Variants in ABCA13 observed in about 807,000 individuals in gnomAD.
ABCA13 encodes ATP binding cassette subfamily A member 13, also known as ATP-binding cassette sub-family A member 13.
A neutral mutation model predicts 478.7 loss-of-function variants in ABCA13; 476 were observed. That is an observed-to-expected ratio of 0.99 (90% CI 0.92 to 1.07). ABCA13 has a LOEUF of 1.07. ABCA13 is among the 50% of genes least tolerant of loss of function. The pLI is 0.00. For synonymous variants in ABCA13, 2,252 were observed against 2,158.9 expected (o/e 1.04, Z -1.20); for missense variants, 6,060 against 5,910.6 (o/e 1.03, Z -0.83).
At position 48,550,728 on chromosome 7, in the gene ABCA13, A is replaced by AGTCT. The variant is rs1785235727; in HGVS notation, c.14354+22383_14354+22384insGTCT. ...ATCTATCTCATCTATCTATCTTTTT[A>AGTCT]ATCTATCCATCCGTCTGTCCATCCA... is the stretch of plus-strand genomic sequence containing the variant. On this transcript the variant is annotated intron_variant, in intron 55 of 61. Coordinates refer to ENST00000435803, the MANE Select transcript of ABCA13 (RefSeq NM_152701.5). Among the ~76,000 whole-genome samples the AGTCT allele has an allele frequency of 2.0e-5, 3 of 150,638 alleles. No individual in the cohort carries two copies. The Admixed American group carries it at 2.0e-4, about 10-fold the overall frequency.
chr7:48,172,059 A>G (rs1012242533), intron 1 of ABCA13, among the ~76,000 whole-genome samples: 2 of 152,254 alleles, frequency 1.3e-5, no homozygotes, highest in Non-Finnish European at 2.9e-5. Context: ...TTAGAACTGT[A>G]TTCAAATTAC....
chr7:48,291,035 A>G (rs1798462839), intron 20 of ABCA13, among the ~76,000 whole-genome samples: 1 of 151,540 alleles, frequency 6.6e-6, no homozygotes, highest in African/African-American at 2.4e-5. Context: ...AGAAATGTGC[A>G]TGTAGCTTGG....
intron 34 of ABCA13, among the ~76,000 whole-genome samples, chr7:48,375,621 G>A (rs1477022587): frequency 6.6e-6 from 1 of 151,766 alleles, no homozygotes; most frequent in African/African-American, 2.4e-5. Flanking sequence ...TTTTTGGGGG[G>A]GGGTGTTTTT....
rs149997207 is a variant in ABCA13 at position 48,176,270 on chromosome 7, C to T, written c.69+4718C>T. ...TACCAGCTTTTTGGGTTGAGCTGGC[C>T]AATTTTACTGAAGACTTGGGCTAGT... On this transcript the variant is annotated intron_variant, in intron 1 of 61. Transcript: ENST00000435803. Among the ~76,000 whole-genome samples the T allele has an allele frequency of 4.0e-4, 61 of 152,220 alleles. No individual in the cohort carries two copies. The East Asian group carries it at 7.1e-3, about 18-fold the overall frequency.
chr7:48,608,451 C>A (rs978434098), intron 58 of ABCA13, among the ~76,000 whole-genome samples: 1 of 152,356 alleles, frequency 6.6e-6, no homozygotes, highest in East Asian at 1.9e-4. Flanking sequence ...TGGGCCCTCT[C>A]CAATCTCAGC....
intron 42 of ABCA13, among the ~76,000 whole-genome samples, chr7:48,431,507 AT>A (rs1822150275): frequency 1.3e-5 from 2 of 152,178 alleles, no homozygotes; most frequent in South Asian, 2.1e-4. Flanking sequence ...CATCTGTAAT[AT>A]TTAGTTTGTG....
chr7:48,409,128 C>T (rs62447265), intron 39 of ABCA13, among the ~76,000 whole-genome samples: 29,667 of 152,096 alleles, frequency 0.2, 3,283 homozygotes, highest in East Asian at 0.23. Flanking sequence ...ACATGTTTAG[C>T]CTTCTCTCTT....
In ABCA13 at chr7:48,322,751, C is replaced by T. The variant is rs574843441; in HGVS notation, c.9999+5455C>T. 5.3e-5 allele frequency among the ~76,000 whole-genome samples: 8 copies of T among 152,254 alleles called. 1 individual carries two copies. The South Asian group carries it at 1.0e-3, about 20-fold the overall frequency. On this transcript the variant is annotated intron_variant, in intron 27 of 61. Coordinates refer to ENST00000435803, the MANE Select transcript of ABCA13 (RefSeq NM_152701.5). ...TTTTTAAATTAACATAGAGTAAGTT[C>T]GGCAGGCTTTTTTTCGGTCGACAGC... is the stretch of plus-strand genomic sequence containing the variant.
chr7:48,522,774 A>T (rs976981697), intron 53 of ABCA13, among the ~76,000 whole-genome samples: 1 of 152,178 alleles, frequency 6.6e-6, no homozygotes, highest in Admixed American at 6.5e-5. Flanking sequence ...CTGCAATGAG[A>T]AGCTCTGGGG....
intron 35 of ABCA13, among the ~76,000 whole-genome samples, chr7:48,380,233 C>G (rs1361710257): frequency 6.6e-6 from 1 of 152,160 alleles, no homozygotes; most frequent in Non-Finnish European, 1.5e-5. Flanking sequence ...CTTATTAATA[C>G]AATTTAGTGC....
At chr7:48,472,847 T>C (rs996350567) in intron 45 of ABCA13, among the ~76,000 whole-genome samples, 4 of 152,138 alleles carry the variant, frequency 2.6e-5, no homozygotes, top group African/African-American at 9.7e-5. Flanking sequence ...GCTTATCTCC[T>C]CCTACTGTGC....
intron 55 of ABCA13, among the ~76,000 whole-genome samples, chr7:48,569,135 AT>A (rs1374241151): frequency 1.3e-5 from 2 of 151,628 alleles, no homozygotes; most frequent in Non-Finnish European, 2.9e-5. Flanking sequence ...TCAAATCATT[AT>A]TTTTTTATTC....
At chr7:48,341,894 A>AGATATATATATAC in intron 29 of ABCA13, among the ~76,000 whole-genome samples, 1 of 75,146 alleles carries the variant, frequency 1.3e-5, no homozygotes, top group African/African-American at 4.8e-5. Context: ...ATATATATAT[A>AGATATATATATAC]TCTTTCTGAT....
chr7:48,402,614 T>C (rs936647889), intron 38 of ABCA13, among the ~76,000 whole-genome samples: 1 of 152,202 alleles, frequency 6.6e-6, no homozygotes, highest in Non-Finnish European at 1.5e-5. Context: ...GCTTGAACTC[T>C]TTCTAGTTCA....
rs186254459 is a variant in ABCA13 at position 48,202,288 on chromosome 7, G to C, written c.287+3928G>C. ...GTTTTGACAGGGCGCTGATTGGTGCGTTTATAATCCCTGAGCTAGACACAA... is the reference window on the plus strand; with the variant it reads ...GTTTTGACAGGGCGCTGATTGGTGCCTTTATAATCCCTGAGCTAGACACAA... On this transcript the variant is annotated intron_variant, in intron 3 of 61. Transcript: ENST00000435803. 3.7e-3 allele frequency among the ~76,000 whole-genome samples: 566 copies of C among 152,274 alleles called. 1 individual carries two copies. The highest frequency in any genetic ancestry group is 0.014 in the Middle Eastern group (4 of 294).
At chr7:48,512,665 G>C (rs1831792664) in intron 51 of ABCA13, among the ~76,000 whole-genome samples, 1 of 152,152 alleles carries the variant, frequency 6.6e-6, no homozygotes, top group African/African-American at 2.4e-5. Flanking sequence ...TAGATGAAAT[G>C]GTTAGAAAGC....
intron 15 of ABCA13, among the ~76,000 whole-genome samples, chr7:48,266,104 T>G (rs78666555): frequency 0.037 from 5,565 of 151,828 alleles, 308 homozygotes; most frequent in African/African-American, 0.12. Context: ...TAAATTAACC[T>G]TGCATAACTG....
intron 29 of ABCA13, among the ~76,000 whole-genome samples, chr7:48,347,905 C>T (rs569989984): frequency 6.6e-6 from 1 of 152,354 alleles, no homozygotes; most frequent in East Asian, 1.9e-4. Context: ...TCTACTTCAT[C>T]TTTGGAAAAA....
At chr7:48,498,042 C>T (rs1830430589) in intron 48 of ABCA13, among the ~76,000 whole-genome samples, 2 of 152,102 alleles carry the variant, frequency 1.3e-5, no homozygotes, top group African/African-American at 2.4e-5. Context: ...AGTAGAGTGG[C>T]GGCTAGCCCT....
Sources: allele counts gnomAD v4.1 joint callset (sites outside exome capture counted in the v4.1 genomes callset), GRCh38; gene constraint gnomAD v4.1.1; transcripts MANE v1.5; gene names NCBI Gene and HGNC (gene_info 2026-07-23, HGNC 2026-07-21).